CSPP1: variants seen among roughly 807,000 people sequenced by gnomAD.
The protein encoded by CSPP1 is centrosome and spindle pole-associated protein 1.
A neutral mutation model predicts 164.4 loss-of-function variants in CSPP1; 126 were observed. That is an observed-to-expected ratio of 0.77 (90% CI 0.66 to 0.89). CSPP1 has a LOEUF of 0.89. Among genes scored for constraint, CSPP1 ranks in the 40% least tolerant of loss-of-function variants. The probability of loss-of-function intolerance (pLI) is 0.00; values close to 1 mark genes in which losing one functional copy is unlikely to be tolerated. For missense variants in CSPP1, 1,395 were observed against 1,449.8 expected, an observed-to-expected ratio of 0.96 and a Z score of 0.61; for synonymous variants, 472 against 476.7, an observed-to-expected ratio of 0.99 and a Z score of 0.13.
At chr8:67,154,740 A>T (rs1294881784) in intron 19 of CSPP1, among the ~76,000 whole-genome samples, 1 of 152,122 alleles carries the variant, frequency 6.6e-6, no homozygotes, top group Non-Finnish European at 1.5e-5. Flanking sequence ...ACCTCAAGTG[A>T]TCTGCCTGCT....
Position 67,175,340 on chromosome 8 carries a change from C to G in CSPP1, c.3013C>G (p.Pro1005Ala), listed in dbSNP as rs1259867496. ...VDLKFMYLDP[P>A]RDHHTLEIQQ... is the part of the protein sequence containing the mutation. ...TCTGAAATTTATGTACCTGGATCCT[C>G]CAAGAGATCATCACACCTTAGAGAT... is the stretch of plus-strand genomic sequence containing the variant. The change falls in exon 26 of 31, where the codon CCA (proline) becomes GCA (alanine). Residue 1005 changes from proline (P) to alanine (A), a missense_variant. Transcript: ENST00000678616. 1.2e-6 allele frequency: 2 copies of G among 1,613,730 alleles called. No homozygotes were observed. Among genetic ancestry groups the G allele is most frequent in the East Asian group, 4.5e-5 (2 of 44,862 alleles).
At chr8:67,136,107 A>G (rs889739721) in intron 16 of CSPP1, among the ~76,000 whole-genome samples, 3 of 152,208 alleles carry the variant, frequency 2.0e-5, no homozygotes, top group African/African-American at 7.2e-5. Flanking sequence ...ACTAAAGATC[A>G]GCAATCACAG....
chr8:67,168,025 G>C (rs552854837), intron 24 of CSPP1, among the ~76,000 whole-genome samples: 2 of 152,166 alleles, frequency 1.3e-5, no homozygotes, highest in Non-Finnish European at 2.9e-5. Context: ...CTGAGTGAAC[G>C]AGACTCCGTC....
intron 15 of CSPP1, among the ~76,000 whole-genome samples, chr8:67,131,132 C>T (rs1417748260): frequency 2.7e-5 from 4 of 150,684 alleles, no homozygotes; most frequent in African/African-American, 9.7e-5. Context: ...CAGTGACTCA[C>T]GCCTGTAATC....
intron 12 of CSPP1, chr8:67,115,094 T>C (rs994457767): frequency 6.6e-6 from 1 of 152,250 alleles, no homozygotes; most frequent in African/African-American, 2.4e-5. Flanking sequence ...TTTAGCACCA[T>C]AGCTGAGTCT....
intron 16 of CSPP1, chr8:67,134,139 C>T (rs1391624628): frequency 6.6e-6 from 1 of 152,192 alleles, no homozygotes; most frequent in Non-Finnish European, 1.5e-5. Flanking sequence ...CCATGACTCA[C>T]AAATGTTCTT....
intron 28 of CSPP1, among the ~76,000 whole-genome samples, chr8:67,189,144 A>G (rs1198918294): frequency 2.6e-5 from 4 of 152,228 alleles, no homozygotes; most frequent in African/African-American, 9.6e-5. Flanking sequence ...ATGGAGCAAT[A>G]GGAACTCTCA....
chr8:67,108,392 A>G (rs78640660), intron 9 of CSPP1, among the ~76,000 whole-genome samples: 5,014 of 149,194 alleles, frequency 0.034, 102 homozygotes, highest in Middle Eastern at 0.066. Context: ...ACAGAGTAAG[A>G]CCCTGTGTCA....
intron 13 of CSPP1, among the ~76,000 whole-genome samples, chr8:67,116,667 T>G (rs1817990533): frequency 6.6e-6 from 1 of 152,194 alleles, no homozygotes; most frequent in African/African-American, 2.4e-5. Flanking sequence ...TTTCTGTAGG[T>G]GAAAGGCATC....
At chr8:67,172,165 T>C (rs550296567) in intron 24 of CSPP1, among the ~76,000 whole-genome samples, 1 of 150,658 alleles carries the variant, frequency 6.6e-6, no homozygotes, top group Admixed American at 6.6e-5. Flanking sequence ...TTTTTTTTTT[T>C]TTTTTTTTTT....
chr8:67,166,281 G>A (rs1340725133), intron 24 of CSPP1, among the ~76,000 whole-genome samples: 2 of 152,158 alleles, frequency 1.3e-5, no homozygotes, highest in African/African-American at 4.8e-5. Context: ...ATTGCTGGGT[G>A]TCACTGCTTC....
intron 4 of CSPP1, 40 bp from the exon 5 acceptor site, chr8:67,091,763 G>T (rs1256571308): frequency 3.1e-6 from 2 of 652,030 alleles, no homozygotes; most frequent in Non-Finnish European, 4.8e-6. Flanking sequence ...TTTTATAAAG[G>T]CAATTAGGTA....
At chr8:67,185,548 C>T (rs1207545463) in intron 28 of CSPP1, among the ~76,000 whole-genome samples, 1 of 152,110 alleles carries the variant, frequency 6.6e-6, no homozygotes, top group African/African-American at 2.4e-5. Context: ...AGTGGTCTGT[C>T]GGTTGATGTG....
At chr8:67,175,681 T>C (rs2129568719) in intron 26 of CSPP1, 3 of 612,446 alleles carry the variant, frequency 4.9e-6, no homozygotes, top group East Asian at 6.6e-5. Context: ...CCAGGAGGAC[T>C]GAATACTTTG....
chr8:67,086,733 G>C (rs1469869770), intron 4 of CSPP1: 2 of 587,020 alleles, frequency 3.4e-6, no homozygotes, highest in African/African-American at 1.9e-5. Context: ...TGTTCCAAGT[G>C]TACAAATGTC....
chr8:67,083,548 A>AAAAAAAAAAAAAAAAATAT (rs1332248754), intron 3 of CSPP1: 2 of 91,500 alleles, frequency 2.2e-5, no homozygotes, highest in African/African-American at 8.9e-5. Context: ...AAAAAAAAAA[A>AAAAAAAAAAAAAAAAATAT]ATATATATAT....
At chr8:67,165,216 G>C (rs566093112) in intron 24 of CSPP1, among the ~76,000 whole-genome samples, 1 of 151,118 alleles carries the variant, frequency 6.6e-6, no homozygotes, top group African/African-American at 2.4e-5. Flanking sequence ...CCCAGGAGGC[G>C]GAGGTTGCAG....
intron 7 of CSPP1, among the ~76,000 whole-genome samples, chr8:67,097,654 A>G (rs1441656595): frequency 1.3e-5 from 2 of 151,654 alleles, no homozygotes; most frequent in Non-Finnish European, 2.9e-5. Flanking sequence ...ATACCCTTTT[A>G]AGTTTGGAAT....
chr8:67,064,577 C>A (rs1585742708), intron 1 of CSPP1, 39 bp downstream of exon 1: 2 of 1,460,356 alleles, frequency 1.4e-6, no homozygotes, highest in Admixed American at 2.2e-5. Context: ...GTGGAGGGTC[C>A]TGGGGCTGCA....
Sources: allele counts gnomAD v4.1 joint callset (sites outside exome capture counted in the v4.1 genomes callset), GRCh38; gene constraint gnomAD v4.1.1; transcripts MANE v1.5; gene names NCBI Gene and HGNC (gene_info 2026-07-23, HGNC 2026-07-21).